The following SOX5 variants were observed in gnomAD, a reference collection of about 807,000 sequenced individuals.
The protein encoded by SOX5 is transcription factor SOX-5.
SOX5 carries 9 observed loss-of-function variants against 92.0 expected under a neutral mutation model. That is an observed-to-expected ratio of 0.10 (90% CI 0.06 to 0.17). The LOEUF (loss-of-function observed/expected upper bound fraction) is 0.17, where lower values mean the gene tolerates loss of function less well. Ranked by LOEUF, SOX5 falls within the 10% of genes least tolerant of loss-of-function variation. SOX5 has a pLI of 1.00. For missense variants in SOX5, 642 were observed against 944.5 expected, an observed-to-expected ratio of 0.68 and a Z score of 4.20; for synonymous variants, 344 against 336.3, an observed-to-expected ratio of 1.02 and a Z score of -0.25.
chr12:23,617,430 T>G (rs935710594), intron 8 of SOX5, among the ~76,000 whole-genome samples: 1 of 152,180 alleles, frequency 6.6e-6, no homozygotes, highest in Non-Finnish European at 1.5e-5. Flanking sequence ...AGTGAATACA[T>G]GTACAGAAGA....
chr12:23,676,916 A>C (rs942861426), intron 6 of SOX5, among the ~76,000 whole-genome samples: 1 of 152,192 alleles, frequency 6.6e-6, no homozygotes, highest in African/African-American at 2.4e-5. Flanking sequence ...GGGCATAGCT[A>C]ACTCATATTG....
intron 1 of SOX5, among the ~76,000 whole-genome samples, chr12:23,902,744 A>C (rs974344774): frequency 6.6e-6 from 1 of 152,068 alleles, no homozygotes; most frequent in Non-Finnish European, 1.5e-5. Context: ...ACTTTATGTC[A>C]CCAAAATTAA....
At chr12:23,767,606 G>A (rs1217522849) in intron 3 of SOX5, among the ~76,000 whole-genome samples, 2 of 152,092 alleles carry the variant, frequency 1.3e-5, no homozygotes, top group Non-Finnish European at 2.9e-5. Context: ...ATTTCTACAG[G>A]ACAACATTTT....
At chr12:24,137,652 A>AAAACAG (rs1478731798) in intron 4 of SOX5, among the ~76,000 whole-genome samples, 1 of 151,906 alleles carries the variant, frequency 6.6e-6, no homozygotes, top group Non-Finnish European at 1.5e-5. Context: ...AACAAAAACA[A>AAAACAG]AAACAAAACA....
chr12:24,259,745 G>T (rs1219002612), intron 3 of SOX5, among the ~76,000 whole-genome samples: 3 of 152,196 alleles, frequency 2.0e-5, no homozygotes, highest in Non-Finnish European at 2.9e-5. Flanking sequence ...AAACATTCAA[G>T]TTGGGTGATG....
chr12:24,012,668 C>T (rs1953086967), intron 4 of SOX5, among the ~76,000 whole-genome samples: 1 of 151,882 alleles, frequency 6.6e-6, no homozygotes, highest in Non-Finnish European at 1.5e-5. Context: ...TGACAAACCT[C>T]CAAGGAAATC....
chr12:24,072,243 T>C (rs1941887451), intron 4 of SOX5, among the ~76,000 whole-genome samples: 1 of 152,226 alleles, frequency 6.6e-6, no homozygotes, highest in African/African-American at 2.4e-5. Flanking sequence ...GTTTCTTTCC[T>C]TGAGATGCGT....
intron 8 of SOX5, among the ~76,000 whole-genome samples, chr12:23,622,299 C>T (rs1010171154): frequency 6.9e-6 from 1 of 144,610 alleles, no homozygotes; most frequent in Non-Finnish European, 1.5e-5. Context: ...TCTTAAGATT[C>T]CAGGCAATAA....
chr12:23,866,151 G>A (rs2096810412), intron 2 of SOX5, among the ~76,000 whole-genome samples: 1 of 152,170 alleles, frequency 6.6e-6, no homozygotes, highest in Non-Finnish European at 1.5e-5. Context: ...AGGTATACCT[G>A]TGTATACAAA....
At chr12:24,099,533 G>A (rs913227025) in intron 4 of SOX5, among the ~76,000 whole-genome samples, 1 of 152,122 alleles carries the variant, frequency 6.6e-6, no homozygotes, top group African/African-American at 2.4e-5. Context: ...AAGAGGGTGT[G>A]ACATGGAACA....
chr12:23,891,976 T>C (rs1262592316), intron 2 of SOX5, among the ~76,000 whole-genome samples: 1 of 152,174 alleles, frequency 6.6e-6, no homozygotes, highest in African/African-American at 2.4e-5. Context: ...GCCTAAAACA[T>C]ATTTACTCAT....
chr12:23,992,161 ATATGTTTTGAGGAGCTTTGGTCTGGC>A lies in SOX5; in HGVS notation c.-1-96163_-1-96138del, dbSNP rs560724944. Among the ~76,000 whole-genome samples the A allele has an allele frequency of 8.2e-3, 1,255 of 152,208 alleles. 22 individuals are homozygous for A. Among genetic ancestry groups the A allele is most frequent in the African/African-American group, 0.029 (1,195 of 41,538 alleles). Reference sequence around the variant, plus strand: ...AAATCTACAGGTCAGTAGCTTCTAAATATGTTTTGAGGAGCTTTGGTCTGGCAACACCCTTAAAGGAAGTTGGTCTG... The same window carrying A: ...AAATCTACAGGTCAGTAGCTTCTAAAAACACCCTTAAAGGAAGTTGGTCTG... On this transcript the variant is annotated intron_variant, in intron 4 of 4. Transcript: ENST00000446891.
chr12:23,909,345 T>TA (rs2097326322), intron 1 of SOX5, among the ~76,000 whole-genome samples: 1 of 152,332 alleles, frequency 6.6e-6, no homozygotes, highest in East Asian at 1.9e-4. Context: ...TATGAATATC[T>TA]AGTTTTAGAT....
chr12:23,653,414 A>C (rs1386057929), intron 7 of SOX5, among the ~76,000 whole-genome samples: 1 of 151,906 alleles, frequency 6.6e-6, no homozygotes, highest in African/African-American at 2.4e-5. Flanking sequence ...TCCTTTCCTG[A>C]TACTTCAACA....
intron 1 of SOX5, among the ~76,000 whole-genome samples, chr12:24,541,526 C>G (rs1952127548): frequency 1.3e-5 from 2 of 152,066 alleles, no homozygotes; most frequent in African/African-American, 4.8e-5. Flanking sequence ...CCTTAGCTGC[C>G]CTACTTTCCT....
chr12:24,435,961 T>A (rs1306978409), intron 1 of SOX5, among the ~76,000 whole-genome samples: 1 of 152,162 alleles, frequency 6.6e-6, no homozygotes, highest in African/African-American at 2.4e-5. Context: ...ATGTTATTTT[T>A]GCAAGTGTTT....
chr12:23,986,770 G>A (rs73283689), intron 4 of SOX5, among the ~76,000 whole-genome samples: 324 of 152,146 alleles, frequency 2.1e-3, no homozygotes, highest in African/African-American at 7.5e-3. Context: ...TTCTAGGGTG[G>A]AAAAAATAAG....
intron 4 of SOX5, among the ~76,000 whole-genome samples, chr12:24,192,644 C>T (rs952160887): frequency 5.9e-5 from 9 of 152,136 alleles, no homozygotes; most frequent in Non-Finnish European, 1.3e-4. Context: ...CTTACAAATC[C>T]AAATTTAAAG....
chr12:24,205,857 C>G (rs1957968617), intron 4 of SOX5, among the ~76,000 whole-genome samples: 1 of 152,120 alleles, frequency 6.6e-6, no homozygotes, highest in Non-Finnish European at 1.5e-5. Flanking sequence ...ATTAAAAGAG[C>G]TTTTAAAAGA....
Sources: gnomAD v4.1 joint callset for allele counts (sites outside exome capture counted in the v4.1 genomes callset) on GRCh38, gnomAD v4.1.1 for gene constraint, MANE v1.5 for transcripts, NCBI Gene and HGNC (gene_info 2026-07-23, HGNC 2026-07-21) for gene names.